HDGFL2: variants seen among roughly 807,000 people sequenced by gnomAD.
HDGFL2 encodes HDGF like 2.
A neutral mutation model predicts 77.1 loss-of-function variants in HDGFL2; 36 were observed. That is an observed-to-expected ratio of 0.47 (90% CI 0.36 to 0.62). HDGFL2 has a LOEUF of 0.62. Among genes scored for constraint, HDGFL2 ranks in the 20% least tolerant of loss-of-function variants. The pLI is 0.00. For missense variants in HDGFL2, 976 were observed against 973.4 expected (o/e 1.00, Z -0.04); for synonymous variants, 463 against 413.1 (o/e 1.12, Z -1.46).
chr19:4,501,357 C>T (rs986402633), intron 15 of HDGFL2, 40 bp downstream of exon 15: 6 of 1,549,766 alleles, frequency 3.9e-6, no homozygotes, highest in Middle Eastern at 4.3e-4. Context: ...TCCTGAGCGG[C>T]AGCGGTGTGA....
intron 3 of HDGFL2, among the ~76,000 whole-genome samples, chr19:4,478,555 C>T (rs1228323943): frequency 6.6e-6 from 1 of 151,996 alleles, no homozygotes; most frequent in Non-Finnish European, 1.5e-5. Context: ...CAAGAGCGGA[C>T]AGGAAGGCCT....
Position 4,501,842 on chromosome 19 carries a change from A to T in HDGFL2, c.1917-69A>T, listed in dbSNP as rs1599729699. 4.9e-6 allele frequency: 6 copies of T among 1,229,476 alleles called. No individual in the cohort carries two copies. In the South Asian group the frequency reaches 8.8e-5, roughly 18 times the overall value. The allele number at this position is 1,229,476 out of a possible 1,614,324, so 76.2% of individuals were successfully genotyped here. ...GGGTACACTCCTCGGTGCCCATCCCACCCAACCGCCCTACAGGCAGGGCAG... is the reference window on the plus strand; with the variant it reads ...GGGTACACTCCTCGGTGCCCATCCCTCCCAACCGCCCTACAGGCAGGGCAG... On this transcript the variant is annotated intron_variant, in intron 15 of 15. Transcript: ENST00000616600.
chr19:4,501,849 C>T (rs1025473052), intron 15 of HDGFL2, 62 bp from the exon 16 acceptor site: 42 of 1,276,476 alleles, frequency 3.3e-5, no homozygotes, highest in Middle Eastern at 2.8e-4. Flanking sequence ...CCCACCCAAC[C>T]GCCCTACAGG....
chr19:4,473,458 G>A (rs188491679), intron 1 of HDGFL2, among the ~76,000 whole-genome samples: 162 of 152,008 alleles, frequency 1.1e-3, no homozygotes, highest in African/African-American at 3.6e-3. Flanking sequence ...TGAGGGCCTG[G>A]GGATCCCAGG....
chr19:4,496,764 C>T (rs1975713231), intron 10 of HDGFL2, among the ~76,000 whole-genome samples: 1 of 151,994 alleles, frequency 6.6e-6, no homozygotes. Context: ...AACAGTCCAT[C>T]CCCAATGTCC....
At chr19:4,490,755 TGTA>T (rs1430074491) in intron 4 of HDGFL2, among the ~76,000 whole-genome samples, 1 of 152,106 alleles carries the variant, frequency 6.6e-6, no homozygotes, top group Non-Finnish European at 1.5e-5. Context: ...AAAAAATACC[TGTA>T]GTATATGAGG....
Position 4,498,045 on chromosome 19 carries a change from G to A in HDGFL2, c.1402+14G>A, listed in dbSNP as rs1285720745. 1.3e-6 allele frequency: 2 copies of A among 1,547,990 alleles called. No homozygotes were observed. The highest frequency in any genetic ancestry group is 8.7e-7 in the Non-Finnish European group (1 of 1,143,494). On this transcript the variant is annotated intron_variant, in intron 11 of 15. Transcript: ENST00000616600. ...AGAAGAAGAAAGGTGAGGCCTGGCT[G>A]CCCAGCACTGCCCACACTGAGTTCA...
At chr19:4,495,332 G>A (rs1480676538) in intron 9 of HDGFL2, among the ~76,000 whole-genome samples, 3 of 131,778 alleles carry the variant, frequency 2.3e-5, no homozygotes, top group Non-Finnish European at 3.1e-5. Flanking sequence ...AGGTTGCAGC[G>A]AGCCAAGATT....
chr19:4,495,545 C>T (rs1216530374), intron 9 of HDGFL2, among the ~76,000 whole-genome samples: 1 of 151,842 alleles, frequency 6.6e-6, no homozygotes, highest in Non-Finnish European at 1.5e-5. Flanking sequence ...GCCTCTGGGG[C>T]TGGAGTGGAG....
At position 4,472,316 on chromosome 19, in the gene HDGFL2, G is replaced by T. The variant is rs1353144942; in HGVS notation, c.-35G>T. On this transcript the variant is annotated 5_prime_UTR_variant, in exon 1 of 16. Transcript: ENST00000616600. The stretch of plus-strand genomic sequence containing the variant: ...CGCCGCAGCCGCTACCGCCGCTGCA[G>T]CCGCTTTCCGCGGCCTGGGCCTCTC... The T allele has an allele frequency of 6.8e-7, 1 of 1,463,694 alleles. No homozygotes were observed. The highest frequency in any genetic ancestry group is 9.0e-7 in the Non-Finnish European group (1 of 1,105,460). The allele number at this position is 1,463,694 out of a possible 1,614,324, so 90.7% of individuals were successfully genotyped here.
Position 4,499,662 on chromosome 19 carries a change from G to T in HDGFL2, c.1747G>T (p.Glu583Ter). 6.3e-7 allele frequency: 1 copy of T among 1,577,586 alleles called. No individual in the cohort carries two copies. The change falls in exon 14 of 16, where the codon GAG (glutamate) becomes TAG (stop). Residue 583 changes from glutamate to a stop codon, truncating the protein, a stop_gained. Transcript: ENST00000616600. LOFTEE classifies it high-confidence loss of function. Reference protein sequence around the residue: ...EKLAGEELAGEEAPQEKAEDK... With the variant: ...EKLAGEELAG ...GCTGGCCGGGGAGGAGCTGGCCGGG[G>T]AGGAGGCCCCCCAGGAGAAGGCGGA... is the stretch of plus-strand genomic sequence containing the variant.
At chr19:4,476,822 G>A (rs557142047) in intron 3 of HDGFL2, among the ~76,000 whole-genome samples, 1 of 152,090 alleles carries the variant, frequency 6.6e-6, no homozygotes, top group Non-Finnish European at 1.5e-5. Context: ...GTGAGGTGGG[G>A]AGTGGGGGAA....
intron 3 of HDGFL2, among the ~76,000 whole-genome samples, chr19:4,485,018 G>T (rs932064690): frequency 5.9e-5 from 9 of 151,980 alleles, no homozygotes; most frequent in African/African-American, 2.2e-4. Context: ...GTGTTAGCCA[G>T]GATGGTCTCC....
chr19:4,501,928 C>G lies in HDGFL2; in HGVS notation c.1934C>G (p.Pro645Arg), dbSNP rs554573861. ...CCCACCAGCAGCGTACGGGAGGGTC[C>G]CGACCTGGACAGGCCTGGGAGCGAC... Reference protein sequence around the residue: ...EDLHDSVREGPDLDRPGSDRQ... With the variant: ...EDLHDSVREGRDLDRPGSDRQ... The change falls in exon 16 of 16, where the codon CCC becomes CGC. Residue 645 changes from proline (P) to arginine (R), a missense_variant. By Grantham distance (103) the Pro-to-Arg change is moderately radical. Coordinates refer to ENST00000616600, the MANE Select transcript of HDGFL2 (RefSeq NM_001001520.3). 4.1e-6 allele frequency: 6 copies of G among 1,479,860 alleles called. No homozygotes were observed. The African/African-American group carries it at 8.6e-5, about 21-fold the overall frequency. The allele number at this position is 1,479,860 out of a possible 1,614,324, so 91.7% of individuals were successfully genotyped here.
In HDGFL2 at chr19:4,494,154, C is replaced by T. The variant is rs748356811; in HGVS notation, c.915-12C>T. 5 of 1,491,204 alleles carry T rather than the reference C, an allele frequency of 3.4e-6. No homozygotes were observed. The highest frequency in any genetic ancestry group is 2.4e-5 in the Admixed American group (1 of 40,914). The allele number at this position is 1,491,204 out of a possible 1,614,324, so 92.4% of individuals were successfully genotyped here. A position where few individuals can be genotyped will look rare whatever the true frequency, so the allele number is the denominator to read the frequency against. On this transcript the variant is annotated splice_polypyrimidine_tract_variant and intron_variant, in intron 8 of 15. Coordinates refer to ENST00000616600, the MANE Select transcript of HDGFL2 (RefSeq NM_001001520.3). ...AGGAACGGAGGTCCCCAACCGCCCC[C>T]TCCGCCTCCAGTGACAGCGACGAGG...
intron 4 of HDGFL2, among the ~76,000 whole-genome samples, chr19:4,490,105 T>A (rs1217736394): frequency 6.6e-6 from 1 of 152,194 alleles, no homozygotes; most frequent in Non-Finnish European, 1.5e-5. Flanking sequence ...TTATTTATTT[T>A]GAGACGGACT....
At chr19:4,492,833 CTGTG>C (rs748929676) in intron 6 of HDGFL2, among the ~76,000 whole-genome samples, 1 of 129,640 alleles carries the variant, frequency 7.7e-6, no homozygotes, top group African/African-American at 3.1e-5. Flanking sequence ...TGTGTGTTAT[CTGTG>C]TGGTGTGTGT....
At chr19:4,488,365 G>A (rs1417649478) in intron 3 of HDGFL2, among the ~76,000 whole-genome samples, 1 of 152,212 alleles carries the variant, frequency 6.6e-6, no homozygotes, top group Non-Finnish European at 1.5e-5. Context: ...AGGCCTCTGA[G>A]GTCAAAACTG....
intron 3 of HDGFL2, 85 bp downstream of exon 3, chr19:4,475,668 T>C: frequency 6.9e-7 from 1 of 1,448,830 alleles, no homozygotes; most frequent in Non-Finnish European, 9.2e-7. Flanking sequence ...CCCTGGGCAC[T>C]GTGGACACAT....
Sources: gnomAD v4.1 joint callset for allele counts (sites outside exome capture counted in the v4.1 genomes callset) on GRCh38, gnomAD v4.1.1 for gene constraint, MANE v1.5 for transcripts, NCBI Gene and HGNC (gene_info 2026-07-23, HGNC 2026-07-21) for gene names.